PHF21B: variants seen among roughly 807,000 people sequenced by gnomAD.
The protein encoded by PHF21B is PHD finger protein 21B, also known as PHD finger protein 4.
Under a neutral mutation model 62.2 loss-of-function variants are expected in PHF21B, and 22 were observed. The ratio of observed to expected loss-of-function variants is 0.35; its 90% CI spans 0.25 to 0.51. The LOEUF is 0.51. PHF21B is among the 20% of genes least tolerant of loss of function. The probability of loss-of-function intolerance (pLI) is 0.97; values close to 1 mark genes in which losing one functional copy is unlikely to be tolerated. For synonymous variants in PHF21B, 341 were observed against 314.7 expected (o/e 1.08, Z -0.88); for missense variants, 701 against 707.9 (o/e 0.99, Z 0.11).
intron 5 of PHF21B, among the ~76,000 whole-genome samples, chr22:44,907,475 T>G (rs2071271541): frequency 6.6e-6 from 1 of 151,856 alleles, no homozygotes; most frequent in African/African-American, 2.4e-5. Flanking sequence ...TGGTGCGGAG[T>G]GGGGCGTGGG....
chr22:44,987,367 G>T (rs1366251545), intron 2 of PHF21B, among the ~76,000 whole-genome samples: 1 of 152,150 alleles, frequency 6.6e-6, no homozygotes, highest in Non-Finnish European at 1.5e-5. Context: ...GCAGCAGAAG[G>T]TAACGGCCAG....
At chr22:44,982,311 G>A (rs1384127685) in intron 2 of PHF21B, among the ~76,000 whole-genome samples, 1 of 152,362 alleles carries the variant, frequency 6.6e-6, no homozygotes, top group East Asian at 1.9e-4. Flanking sequence ...GGGGCAGGGA[G>A]AGAGAAGAGG....
rs1341500359 is a variant in PHF21B, at chr22:45,009,028, A to G, written c.55-418T>C. ...GCGTCCTAATCTCCCCAACACACAC[A>G]CGCGCACGCCGAGCCCCGCTCAGGC... is the stretch of plus-strand genomic sequence containing the variant. On this transcript the variant is annotated intron_variant, in intron 1 of 12. Transcript: ENST00000313237. This position sits in a 1 kb window ranked among gnomAD's most constrained non-coding sequence, Gnocchi z 5.9. 3 of 1,128,236 alleles carry G rather than the reference A, an allele frequency of 2.7e-6. No individual in the cohort carries two copies. Among genetic ancestry groups the G allele is most frequent in the East Asian group, 4.6e-5 (1 of 21,522 alleles). 69.9% of individuals were successfully genotyped at this position (1,128,236 alleles called of 1,614,324 possible).
intron 2 of PHF21B, among the ~76,000 whole-genome samples, chr22:44,925,572 T>C (rs136682): frequency 1 from 152,289 of 152,290 alleles, 76,144 homozygotes; most frequent in Middle Eastern, 1. Flanking sequence ...GATATCCACT[T>C]TGGACATTTG....
Position 44,888,045 on chromosome 22 carries a change from C to T in PHF21B, c.1115G>A (p.Gly372Glu). 1 of 1,555,566 alleles carries T rather than the reference C, an allele frequency of 6.4e-7. No homozygotes were observed. Among genetic ancestry groups the T allele is most frequent in the African/African-American group, 1.4e-5 (1 of 73,884 alleles). Residue 372 changes from glycine (G) to glutamate (E), a missense_variant, in exon 10 of 13, where the codon GGG becomes GAG. Transcript: ENST00000313237. ...CTCCAGGCAGCTGAGGTGGTAGGCC[C>T]CCGGGCAGGTGCCGCAGGGCTGCAG... ...ANLQPCGTCPGAYHLSCLEPP... is the reference protein window; with the variant it reads ...ANLQPCGTCPEAYHLSCLEPP...
chr22:44,930,478 C>T (rs1348289692), intron 2 of PHF21B, among the ~76,000 whole-genome samples: 1 of 149,742 alleles, frequency 6.7e-6, no homozygotes, highest in Non-Finnish European at 1.5e-5. Context: ...GAGGGGGTGT[C>T]TGAGTGGCAC....
chr22:44,987,943 C>T (rs2072981436), intron 2 of PHF21B, among the ~76,000 whole-genome samples: 1 of 152,132 alleles, frequency 6.6e-6, no homozygotes, highest in African/African-American at 2.4e-5. Context: ...CCCTGAAGAT[C>T]CACGTTGTCC....
chr22:44,996,675 C>A (rs951036471), intron 2 of PHF21B, among the ~76,000 whole-genome samples: 6 of 151,986 alleles, frequency 3.9e-5, no homozygotes, highest in African/African-American at 1.2e-4. Context: ...CACAGACACA[C>A]AAACACACAC....
intron 5 of PHF21B, among the ~76,000 whole-genome samples, chr22:44,897,254 T>G (rs996986911): frequency 2.0e-5 from 3 of 152,042 alleles, no homozygotes; most frequent in African/African-American, 7.2e-5. Context: ...TCATTTGACA[T>G]TCTTTGGTGG....
chr22:44,912,665 G>A (rs776557270), intron 5 of PHF21B, among the ~76,000 whole-genome samples: 32 of 152,098 alleles, frequency 2.1e-4, no homozygotes, highest in Middle Eastern at 6.8e-3. Context: ...CCAGTCTTGG[G>A]TATGTCTTTA....
At chr22:44,884,762 T>C (rs370301602) in intron 12 of PHF21B, among the ~76,000 whole-genome samples, 5 of 149,532 alleles carry the variant, frequency 3.3e-5, no homozygotes, top group South Asian at 2.1e-4. Context: ...CCACCATCAT[T>C]ACCACCATCA....
chr22:44,886,701 G>C (rs1269431755), intron 10 of PHF21B, among the ~76,000 whole-genome samples: 2 of 150,586 alleles, frequency 1.3e-5, no homozygotes, highest in African/African-American at 4.9e-5. Context: ...AAAAAAAAAA[G>C]GATGTAACCC....
chr22:45,006,586 T>C (rs1186501364), intron 2 of PHF21B, among the ~76,000 whole-genome samples: 2 of 152,164 alleles, frequency 1.3e-5, no homozygotes, highest in Non-Finnish European at 2.9e-5. Flanking sequence ...ATCATAAAAA[T>C]TTAAACAGCC....
At chr22:44,980,084 A>G (rs1190787138) in intron 2 of PHF21B, among the ~76,000 whole-genome samples, 1 of 151,298 alleles carries the variant, frequency 6.6e-6, no homozygotes, top group East Asian at 1.9e-4. Flanking sequence ...AAAAAAAAAA[A>G]AAAAAAAAAA....
Position 44,928,432 on chromosome 22 carries a change from C to T in PHF21B, c.121-7942G>A, listed in dbSNP as rs1165810501. ...CCATGAAAGGAACTTTTTTTTGAGA[C>T]GGAGTCTTGCTCTGTCTCCCAGGCT... On this transcript the variant is annotated intron_variant, in intron 2 of 12. Coordinates refer to ENST00000313237, the MANE Select transcript of PHF21B (RefSeq NM_138415.5). Among the ~76,000 whole-genome samples, 6 of 152,192 alleles carry T rather than the reference C, an allele frequency of 3.9e-5. No homozygotes were observed. In the East Asian group the frequency reaches 7.7e-4, roughly 20 times the overall value.
intron 2 of PHF21B, among the ~76,000 whole-genome samples, chr22:44,965,603 C>T (rs1415153896): frequency 6.6e-6 from 1 of 152,282 alleles, no homozygotes; most frequent in East Asian, 1.9e-4. Context: ...CCCAGCACCC[C>T]GAGCTGAGAC....
At chr22:44,930,759 C>T (rs994705523) in intron 2 of PHF21B, among the ~76,000 whole-genome samples, 1 of 149,588 alleles carries the variant, frequency 6.7e-6, no homozygotes, top group African/African-American at 2.5e-5. Context: ...GCTCTCACCT[C>T]TTCTGACAGG....
At chr22:44,936,870 CT>C (rs370585353) in intron 2 of PHF21B, among the ~76,000 whole-genome samples, 11 of 128,624 alleles carry the variant, frequency 8.6e-5, no homozygotes, top group Non-Finnish European at 1.3e-4. Flanking sequence ...CACTTTCTTT[CT>C]TTTTTTTTTT....
intron 5 of PHF21B, among the ~76,000 whole-genome samples, chr22:44,898,957 T>C (rs2071107667): frequency 6.6e-6 from 1 of 152,188 alleles, no homozygotes; most frequent in African/African-American, 2.4e-5. Flanking sequence ...TAGATCTATT[T>C]GGGTCTATTT....
Sources: gnomAD v4.1 joint callset for allele counts (sites outside exome capture counted in the v4.1 genomes callset) on GRCh38, gnomAD v4.1.1 for gene constraint, Gnocchi (gnomAD v3.1) non-coding constraint, MANE v1.5 for transcripts, NCBI Gene and HGNC (gene_info 2026-07-23, HGNC 2026-07-21) for gene names.